Variants in NBEA observed in about 807,000 individuals in gnomAD.
The protein encoded by NBEA is lysosomal-trafficking regulator 2.
NBEA carries 44 observed loss-of-function variants against 343.4 expected under a neutral mutation model. The observed-to-expected ratio is 0.13, with a 90% confidence interval of 0.10 to 0.16. NBEA has a LOEUF of 0.16. NBEA is among the 10% of genes least tolerant of loss of function. The pLI is 1.00. For missense variants in NBEA, 2,555 were observed against 3,631.3 expected, an observed-to-expected ratio of 0.70 and a Z score of 7.62; for synonymous variants, 1,175 against 1,238.7, an observed-to-expected ratio of 0.95 and a Z score of 1.08.
intron 41 of NBEA, among the ~76,000 whole-genome samples, chr13:35,503,076 G>A (rs891740278): frequency 1.3e-5 from 2 of 151,834 alleles, no homozygotes; most frequent in South Asian, 2.1e-4. Context: ...ATATAAATTC[G>A]AAGGTATATT....
chr13:35,656,429 A>G (rs1333260150), intron 55 of NBEA, among the ~76,000 whole-genome samples: 1 of 152,190 alleles, frequency 6.6e-6, no homozygotes, highest in East Asian at 1.9e-4. Flanking sequence ...TTACACAAAT[A>G]AATTTGTTGA....
intron 41 of NBEA, among the ~76,000 whole-genome samples, chr13:35,487,308 A>G (rs2076338626): frequency 6.6e-6 from 1 of 151,988 alleles, no homozygotes; most frequent in South Asian, 2.1e-4. Flanking sequence ...ACTTATATAG[A>G]ATTAGTACTT....
chr13:35,239,370 G>T (rs1254037859), intron 34 of NBEA, among the ~76,000 whole-genome samples: 1 of 152,098 alleles, frequency 6.6e-6, no homozygotes, highest in South Asian at 2.1e-4. Flanking sequence ...CTAAATGAGG[G>T]TTATATAGGA....
chr13:35,306,517 G>C (rs1275914360), intron 35 of NBEA, among the ~76,000 whole-genome samples: 2 of 151,814 alleles, frequency 1.3e-5, no homozygotes, highest in Admixed American at 6.6e-5. Context: ...ATATGTCCCA[G>C]TTTTATTACT....
intron 49 of NBEA, among the ~76,000 whole-genome samples, chr13:35,637,828 GAAAAAAA>G (rs200193393): frequency 2.9e-5 from 4 of 137,750 alleles, no homozygotes; most frequent in African/African-American, 1.1e-4. Context: ...TCTCAAAAAA[GAAAAAAA>G]AAAAAAGTTG....
At chr13:35,498,628 CTATT>C (rs761209508) in intron 41 of NBEA, among the ~76,000 whole-genome samples, 15 of 152,156 alleles carry the variant, frequency 9.9e-5, no homozygotes, top group Non-Finnish European at 1.3e-4. Context: ...CTCTCCTTGA[CTATT>C]TAATTTATGC....
chr13:35,436,498 C>G (rs905781377), intron 39 of NBEA, among the ~76,000 whole-genome samples: 3 of 152,106 alleles, frequency 2.0e-5, no homozygotes, highest in Non-Finnish European at 2.9e-5. Context: ...ATCACGAGGT[C>G]AGGAGATCAA....
chr13:35,382,257 C>A (rs997477461), intron 38 of NBEA, among the ~76,000 whole-genome samples: 3 of 152,136 alleles, frequency 2.0e-5, no homozygotes, highest in African/African-American at 7.2e-5. Context: ...ATCCCTTTAG[C>A]CCAGCACTTG....
intron 17 of NBEA, among the ~76,000 whole-genome samples, chr13:35,136,268 G>T (rs1053883520): frequency 1.3e-5 from 2 of 152,152 alleles, no homozygotes; most frequent in Admixed American, 1.3e-4. Context: ...CCCCACATTA[G>T]AGTGATAGGA....
At chr13:35,508,033 A>C (rs2077137331) in intron 41 of NBEA, among the ~76,000 whole-genome samples, 1 of 152,198 alleles carries the variant, frequency 6.6e-6, no homozygotes, top group Admixed American at 6.5e-5. Flanking sequence ...ACTTTGTTTC[A>C]TTATTACCCT....
intron 30 of NBEA, among the ~76,000 whole-genome samples, chr13:35,192,863 A>G (rs969385002): frequency 2.6e-5 from 4 of 151,964 alleles, no homozygotes; most frequent in African/African-American, 9.7e-5. Context: ...TAGCTTGAGA[A>G]GTTTAAACTT....
At chr13:35,553,215 A>T (rs1046113489) in intron 43 of NBEA, among the ~76,000 whole-genome samples, 1 of 152,162 alleles carries the variant, frequency 6.6e-6, no homozygotes, top group Non-Finnish European at 1.5e-5. Context: ...TTATAAGAAA[A>T]CTGAAAACAA....
intron 6 of NBEA, among the ~76,000 whole-genome samples, chr13:35,055,313 T>C (rs1593605362): frequency 6.6e-6 from 1 of 152,276 alleles, no homozygotes; most frequent in East Asian, 1.9e-4. Flanking sequence ...CATATTAAAA[T>C]AGATACTTAA....
intron 10 of NBEA, among the ~76,000 whole-genome samples, chr13:35,089,905 T>A (rs61947416): frequency 1.9e-5 from 2 of 103,860 alleles, no homozygotes; most frequent in Non-Finnish European, 1.8e-5. Flanking sequence ...CTCTGGGGAC[T>A]GTTGTGGGGT....
At chr13:35,109,161 AAAC>A (rs2066063639) in intron 11 of NBEA, 126 bp from the exon 12 acceptor site, 1 of 819,424 alleles carries the variant, frequency 1.2e-6, no homozygotes, top group Non-Finnish European at 1.7e-6. Flanking sequence ...ATAGCAAAGA[AAAC>A]AAATGTTTAT....
chr13:35,107,693 C>T (rs1386989398), intron 11 of NBEA, among the ~76,000 whole-genome samples: 1 of 151,882 alleles, frequency 6.6e-6, no homozygotes, highest in African/African-American at 2.4e-5. Flanking sequence ...GCTTTTTTGA[C>T]AGTGCCAGGG....
intron 36 of NBEA, among the ~76,000 whole-genome samples, chr13:35,332,995 G>A (rs186230180): frequency 3.9e-5 from 6 of 152,194 alleles, no homozygotes; most frequent in Admixed American, 3.9e-4. Flanking sequence ...GCTGCCACCA[G>A]AAGTAAAGCA....
At chr13:35,377,306 A>G (rs1370627543) in intron 38 of NBEA, among the ~76,000 whole-genome samples, 1 of 152,182 alleles carries the variant, frequency 6.6e-6, no homozygotes, top group African/African-American at 2.4e-5. Flanking sequence ...AACACTGTCT[A>G]GGGATTGCAA....
chr13:35,545,707 A>T (rs1195267325), intron 41 of NBEA, among the ~76,000 whole-genome samples: 1 of 152,230 alleles, frequency 6.6e-6, no homozygotes, highest in Non-Finnish European at 1.5e-5. Context: ...CTTAGCCTAA[A>T]GCCCTTCCAT....
Sources: gnomAD v4.1 joint callset for allele counts (sites outside exome capture counted in the v4.1 genomes callset) on GRCh38, gnomAD v4.1.1 for gene constraint, MANE v1.5 for transcripts, NCBI Gene and HGNC (gene_info 2026-07-23, HGNC 2026-07-21) for gene names.